Variants in ATG10 observed in about 807,000 individuals in gnomAD.
ATG10 encodes ubiquitin-like-conjugating enzyme ATG10.
Under a neutral mutation model 32.1 loss-of-function variants are expected in ATG10, and 30 were observed. The ratio of observed to expected loss-of-function variants is 0.94; its 90% CI spans 0.70 to 1.27. The LOEUF (loss-of-function observed/expected upper bound fraction) is 1.27. Ranked by LOEUF, ATG10 falls within the 50% of genes most tolerant of loss-of-function variation. The pLI is 0.00. For missense variants in ATG10, 233 were observed against 262.3 expected, an observed-to-expected ratio of 0.89 and a Z score of 0.77; for synonymous variants, 87 against 91.5, an observed-to-expected ratio of 0.95 and a Z score of 0.28.
chr5:81,993,054 A>G (rs1288093508), intron 2 of ATG10, among the ~76,000 whole-genome samples: 1 of 152,142 alleles, frequency 6.6e-6, no homozygotes, highest in Non-Finnish European at 1.5e-5. Context: ...GTTTACCATG[A>G]TGGTCTGTCA....
chr5:82,230,889 AT>A (rs1405425702), intron 5 of ATG10, among the ~76,000 whole-genome samples: 3 of 152,262 alleles, frequency 2.0e-5, no homozygotes, highest in African/African-American at 7.2e-5. Flanking sequence ...AAAATTATAT[AT>A]GAAATAATGT....
chr5:82,007,627 AT>A lies in ATG10; in HGVS notation c.108+19956del, dbSNP rs534633675. ...ACCACCACAGTTGGCTAATTTTGTA[AT>A]TTTTTTGTAGAGATGAGGTCTCACT... On this transcript the variant is annotated intron_variant, in intron 2 of 7. Transcript: ENST00000282185. Among the ~76,000 whole-genome samples, 31 of 151,926 alleles carry A rather than the reference AT, an allele frequency of 2.0e-4. No individual in the cohort carries two copies. The South Asian group carries it at 5.6e-3, about 27-fold the overall frequency.
At chr5:82,137,489 G>A (rs530125638) in intron 3 of ATG10, among the ~76,000 whole-genome samples, 4 of 152,226 alleles carry the variant, frequency 2.6e-5, no homozygotes, top group South Asian at 2.1e-4. Flanking sequence ...GTAGGTCTGC[G>A]GGAGTTTGCT....
At chr5:81,986,460 T>G (rs543746103) in intron 1 of ATG10, among the ~76,000 whole-genome samples, 4 of 152,326 alleles carry the variant, frequency 2.6e-5, no homozygotes, top group African/African-American at 9.6e-5. Context: ...GGACTATATA[T>G]TTTTTCATTT....
intron 3 of ATG10, among the ~76,000 whole-genome samples, chr5:82,069,972 A>G (rs1764072011): frequency 6.6e-6 from 1 of 152,230 alleles, no homozygotes. Flanking sequence ...GCTCTTCCAT[A>G]TGGTGCCTGC....
chr5:82,247,277 T>C (rs1167432582), intron 5 of ATG10, among the ~76,000 whole-genome samples: 1 of 152,204 alleles, frequency 6.6e-6, no homozygotes, highest in Non-Finnish European at 1.5e-5. Flanking sequence ...ATCTGTATTC[T>C]GGTACAGTTG....
intron 5 of ATG10, among the ~76,000 whole-genome samples, chr5:82,241,741 T>C (rs894969053): frequency 7.2e-5 from 11 of 152,154 alleles, no homozygotes; most frequent in African/African-American, 2.6e-4. Context: ...CCAATTTACC[T>C]AAAATAGCCT....
chr5:82,187,874 C>T (rs1032337354), intron 5 of ATG10, among the ~76,000 whole-genome samples: 2 of 152,162 alleles, frequency 1.3e-5, no homozygotes, highest in African/African-American at 2.4e-5. Flanking sequence ...AGGCATGAGC[C>T]ACCACACCTG....
chr5:82,009,660 A>G, intron 2 of ATG10: 1 of 1,591,344 alleles, frequency 6.3e-7, no homozygotes, highest in South Asian at 1.1e-5. Context: ...CCTGGACCCA[A>G]AGCACTCCAT....
chr5:81,987,524 A>G (rs1761320994), intron 1 of ATG10, 35 bp from the exon 2 acceptor site: 1 of 1,379,588 alleles, frequency 7.2e-7, no homozygotes, highest in African/African-American at 1.5e-5. Flanking sequence ...ATATAATTCT[A>G]AAGTTGATGC....
chr5:82,025,640 G>A (rs1438094351), intron 2 of ATG10, among the ~76,000 whole-genome samples: 2 of 152,168 alleles, frequency 1.3e-5, no homozygotes, highest in African/African-American at 4.8e-5. Context: ...CAGTATGCCG[G>A]TAGTCATAAT....
chr5:82,083,361 G>A (rs1764552528), intron 3 of ATG10, among the ~76,000 whole-genome samples: 1 of 152,218 alleles, frequency 6.6e-6, no homozygotes, highest in Non-Finnish European at 1.5e-5. Flanking sequence ...GCCCACTGCA[G>A]CTCAAGGAGG....
In ATG10 at chr5:82,012,249, TG is replaced by T. The variant is rs553982601; in HGVS notation, c.108+24572del. 2.0e-4 allele frequency among the ~76,000 whole-genome samples: 31 copies of T among 152,350 alleles called. No individual in the cohort carries two copies. In the South Asian group the frequency reaches 2.3e-3, roughly 11 times the overall value. ...TCTTAATATGTTATTTGCCTTTGGT[TG>T]ATTCCCAGTTCCCTGAAATGGTTGT... On this transcript the variant is annotated intron_variant, in intron 2 of 7. Transcript: ENST00000282185.
chr5:81,978,699 C>G (rs1760940886), intron 1 of ATG10, among the ~76,000 whole-genome samples: 1 of 152,034 alleles, frequency 6.6e-6, no homozygotes, highest in South Asian at 2.1e-4. Flanking sequence ...ATCTTGCTGT[C>G]TCCCAGGCTA....
intron 5 of ATG10, among the ~76,000 whole-genome samples, chr5:82,183,010 G>T (rs1308843127): frequency 6.6e-6 from 1 of 151,980 alleles, no homozygotes; most frequent in Non-Finnish European, 1.5e-5. Context: ...CTTTCAAAGT[G>T]ATGGGATTAC....
At chr5:82,040,728 G>GA (rs1463280515) in intron 2 of ATG10, among the ~76,000 whole-genome samples, 3 of 152,058 alleles carry the variant, frequency 2.0e-5, no homozygotes, top group African/African-American at 7.2e-5. Flanking sequence ...ACTTGTTGAA[G>GA]AAAAAAGCAA....
intron 3 of ATG10, among the ~76,000 whole-genome samples, chr5:82,120,057 C>T (rs1248159390): frequency 6.6e-6 from 1 of 151,556 alleles, no homozygotes; most frequent in Non-Finnish European, 1.5e-5. Context: ...TTTTGTAGCT[C>T]TGAATTTACA....
chr5:82,001,399 A>G (rs1211183148), intron 2 of ATG10, among the ~76,000 whole-genome samples: 1 of 152,210 alleles, frequency 6.6e-6, no homozygotes, highest in African/African-American at 2.4e-5. Context: ...ACTTCAAACT[A>G]TACTATGAGG....
At chr5:82,245,849 A>C (rs909541957) in intron 5 of ATG10, among the ~76,000 whole-genome samples, 5 of 152,194 alleles carry the variant, frequency 3.3e-5, no homozygotes, top group Non-Finnish European at 7.4e-5. Flanking sequence ...CCACAACTAA[A>C]AGAAACTGAT....
Sources: gnomAD v4.1 joint callset for allele counts (sites outside exome capture counted in the v4.1 genomes callset) on GRCh38, gnomAD v4.1.1 for gene constraint, MANE v1.5 for transcripts, NCBI Gene and HGNC (gene_info 2026-07-23, HGNC 2026-07-21) for gene names.